The following RAPGEF6 variants were observed in gnomAD, a reference collection of about 807,000 sequenced individuals.
RAPGEF6 encodes the protein Rap guanine nucleotide exchange factor 6, also known as PDZ domain containing guanine nucleotide exchange factor (GEF) 2.
In RAPGEF6, 56 loss-of-function variants were observed where a neutral mutation model predicts 171.4. The ratio of observed to expected loss-of-function variants is 0.33; its 90% CI spans 0.26 to 0.41. The LOEUF (loss-of-function observed/expected upper bound fraction) is 0.41. Ranked by LOEUF, RAPGEF6 falls within the 10% of genes least tolerant of loss-of-function variation. The pLI is 1.00. For synonymous variants in RAPGEF6, 692 were observed against 650.1 expected, an observed-to-expected ratio of 1.06 and a Z score of -0.98; for missense variants, 1,674 against 1,921.4, an observed-to-expected ratio of 0.87 and a Z score of 2.41.
intron 13 of RAPGEF6, among the ~76,000 whole-genome samples, chr5:131,495,046 G>A (rs1756539985): frequency 6.6e-6 from 1 of 152,184 alleles, no homozygotes; most frequent in Non-Finnish European, 1.5e-5. Flanking sequence ...TGTAATCTCA[G>A]CACTCTGGAA....
At chr5:131,518,937 A>G (rs1758284583) in intron 7 of RAPGEF6, among the ~76,000 whole-genome samples, 1 of 152,232 alleles carries the variant, frequency 6.6e-6, no homozygotes, top group South Asian at 2.1e-4. Context: ...TTTTTAAACT[A>G]TATGATTCCA....
chr5:131,528,916 G>A (rs1450488878), intron 6 of RAPGEF6, among the ~76,000 whole-genome samples: 1 of 152,146 alleles, frequency 6.6e-6, no homozygotes, highest in Non-Finnish European at 1.5e-5. Flanking sequence ...TAAGGGCAAA[G>A]AAATGACCTG....
chr5:131,457,558 T>G (rs549417288), intron 19 of RAPGEF6, among the ~76,000 whole-genome samples: 74 of 152,382 alleles, frequency 4.9e-4, no homozygotes, highest in Middle Eastern at 3.4e-3. Context: ...GGAATACTGC[T>G]GCATGGATCC....
At chr5:131,520,421 T>C in intron 7 of RAPGEF6, among the ~76,000 whole-genome samples, 1 of 152,356 alleles carries the variant, frequency 6.6e-6, no homozygotes, top group Admixed American at 6.5e-5. Flanking sequence ...AATTATAGTA[T>C]TTGGTTATAC....
chr5:131,453,235 A>G, intron 20 of RAPGEF6, 58 bp from the exon 21 acceptor site: 1 of 1,514,876 alleles, frequency 6.6e-7, no homozygotes, highest in Middle Eastern at 1.7e-4. Context: ...TAAAAGTAGC[A>G]AAAGTCAAGC....
intron 1 of RAPGEF6, among the ~76,000 whole-genome samples, chr5:131,608,529 G>C (rs1025710998): frequency 6.6e-6 from 1 of 152,176 alleles, no homozygotes; most frequent in African/African-American, 2.4e-5. Context: ...CAGTAGATAT[G>C]GGTCATGCCA....
At chr5:131,480,639 C>T (rs537621705) in intron 15 of RAPGEF6, among the ~76,000 whole-genome samples, 5 of 152,074 alleles carry the variant, frequency 3.3e-5, no homozygotes, top group Admixed American at 2.6e-4. Flanking sequence ...TCACCACACC[C>T]GGCTAATTTT....
intron 5 of RAPGEF6, among the ~76,000 whole-genome samples, chr5:131,553,114 A>C (rs1245897663): frequency 6.6e-6 from 1 of 152,222 alleles, no homozygotes; most frequent in African/African-American, 2.4e-5. Context: ...AGGAACAACC[A>C]ATAGCAATCT....
intron 21 of RAPGEF6, among the ~76,000 whole-genome samples, chr5:131,452,630 AT>A (rs374349439): frequency 2.8e-3 from 395 of 140,442 alleles, no homozygotes; most frequent in Middle Eastern, 3.8e-3. Flanking sequence ...TTGTTTGCTG[AT>A]TTTTTTTTTT....
At chr5:131,572,305 G>C (rs778268131) in intron 4 of RAPGEF6, among the ~76,000 whole-genome samples, 1 of 152,030 alleles carries the variant, frequency 6.6e-6, no homozygotes, top group Non-Finnish European at 1.5e-5. Context: ...ATTTCAAATC[G>C]GTAAGCGGTT....
At chr5:131,598,973 T>C (rs1014868026) in intron 3 of RAPGEF6, among the ~76,000 whole-genome samples, 3 of 152,214 alleles carry the variant, frequency 2.0e-5, no homozygotes, top group Non-Finnish European at 4.4e-5. Flanking sequence ...AGTACAAGCC[T>C]GAGTTACTCT....
intron 4 of RAPGEF6, among the ~76,000 whole-genome samples, chr5:131,575,729 C>T (rs1762566673): frequency 6.6e-6 from 1 of 152,196 alleles, no homozygotes; most frequent in African/African-American, 2.4e-5. Context: ...CACATTAGCA[C>T]TCCCTAATTC....
At chr5:131,512,973 AC>A (rs1326459342) in intron 7 of RAPGEF6, among the ~76,000 whole-genome samples, 2 of 152,044 alleles carry the variant, frequency 1.3e-5, no homozygotes, top group East Asian at 1.9e-4. Context: ...TTTATAAGCT[AC>A]CCCCCAGTCT....
At chr5:131,625,273 C>T (rs1474223380) in intron 1 of RAPGEF6, among the ~76,000 whole-genome samples, 1 of 151,884 alleles carries the variant, frequency 6.6e-6, no homozygotes, top group African/African-American at 2.4e-5. Context: ...AAAAAACAAA[C>T]AAACAAACAA....
chr5:131,561,484 C>T (rs918357826), intron 5 of RAPGEF6, among the ~76,000 whole-genome samples: 12 of 151,776 alleles, frequency 7.9e-5, no homozygotes, highest in African/African-American at 2.9e-4. Flanking sequence ...ATGGTGAAAC[C>T]CCCATGGCTG....
At chr5:131,510,539 A>T in intron 7 of RAPGEF6, 48 bp from the exon 8 acceptor site, 1 of 1,564,456 alleles carries the variant, frequency 6.4e-7, no homozygotes, top group Non-Finnish European at 8.7e-7. Flanking sequence ...AAAAAATATT[A>T]TAAGTCACAG....
intron 12 of RAPGEF6, among the ~76,000 whole-genome samples, chr5:131,496,779 T>C (rs1392342691): frequency 6.6e-6 from 1 of 152,220 alleles, no homozygotes; most frequent in African/African-American, 2.4e-5. Flanking sequence ...TTTCTTCCTT[T>C]TGGCTATTGT....
At chr5:131,596,489 T>C (rs189356434) in intron 3 of RAPGEF6, among the ~76,000 whole-genome samples, 73 of 152,006 alleles carry the variant, frequency 4.8e-4, no homozygotes, top group African/African-American at 1.7e-3. Flanking sequence ...AATAGAGTAA[T>C]AGCAGGGAAT....
At chr5:131,487,330 C>T (rs1755976497) in intron 15 of RAPGEF6, among the ~76,000 whole-genome samples, 1 of 152,164 alleles carries the variant, frequency 6.6e-6, no homozygotes, top group South Asian at 2.1e-4. Context: ...GGAAGGGGAC[C>T]CTGGCAGCTT....
Sources: allele counts gnomAD v4.1 joint callset (sites outside exome capture counted in the v4.1 genomes callset), GRCh38; gene constraint gnomAD v4.1.1; transcripts MANE v1.5; gene names NCBI Gene and HGNC (gene_info 2026-07-23, HGNC 2026-07-21).